STAT3: variants seen among roughly 807,000 people sequenced by gnomAD.
STAT3 encodes the protein signal transducer and activator of transcription 3.
Under a neutral mutation model 114.3 loss-of-function variants are expected in STAT3, and 7 were observed. The observed-to-expected ratio is 0.06, with a 90% confidence interval of 0.03 to 0.11. The LOEUF is 0.11. Among genes scored for constraint, STAT3 ranks in the 10% least tolerant of loss-of-function variants. STAT3 has a pLI of 1.00. For synonymous variants in STAT3, 331 were observed against 354.5 expected (o/e 0.93, Z 0.74); for missense variants, 364 against 960.9 (o/e 0.38, Z 8.21).
rs1382569836 is a variant in STAT3, at chr17:42,313,960, A to G, written c.*1785T>C. The G allele has an allele frequency of 1.3e-5, 3 of 231,502 alleles. No individual in the cohort carries two copies. The highest frequency in any genetic ancestry group is 5.7e-5 in the Admixed American group (1 of 17,692). The allele number at this position is 231,502 out of a possible 1,614,324, so 14.3% of individuals were successfully genotyped here. ...TGATTTAACAAACAGAATTCCACAGAAACTCTGATCAGCTGAGGCAAGGTG... is the reference window on the plus strand; with the variant it reads ...TGATTTAACAAACAGAATTCCACAGGAACTCTGATCAGCTGAGGCAAGGTG... On this transcript the variant is annotated 3_prime_UTR_variant, in exon 24 of 24. Transcript: ENST00000264657.
chr17:42,332,172 C>T (rs2144808285), intron 10 of STAT3, among the ~76,000 whole-genome samples: 1 of 151,644 alleles, frequency 6.6e-6, no homozygotes, highest in South Asian at 2.1e-4. Flanking sequence ...GGTGATCCAC[C>T]CACCTTGGCC....
At position 42,337,305 on chromosome 17, in the gene STAT3, C is replaced by A. The variant is rs558713188; in HGVS notation, c.797+130G>T. On this transcript the variant is annotated intron_variant, in intron 8 of 23. Coordinates refer to ENST00000264657, the MANE Select transcript of STAT3 (RefSeq NM_139276.3). This position sits in a 1 kb window ranked among gnomAD's most constrained non-coding sequence, Gnocchi z 4.0. Reference sequence around the variant, plus strand: ...CCGAAATAAAGTAAAAACTTTAATTCTTGGGCTAAATTTGAATATGGAAAA... The same window carrying A: ...CCGAAATAAAGTAAAAACTTTAATTATTGGGCTAAATTTGAATATGGAAAA... The A allele has an allele frequency of 2.9e-6, 4 of 1,375,952 alleles. No homozygotes were observed. Among genetic ancestry groups the A allele is most frequent in the Non-Finnish European group, 3.9e-6 (4 of 1,026,128 alleles). 85.2% of individuals were successfully genotyped at this position (1,375,952 alleles called of 1,614,324 possible).
chr17:42,383,181 AGAG>A lies in STAT3; in HGVS notation c.-24+5095_-24+5097del, dbSNP rs146649796. 8.9e-3 allele frequency among the ~76,000 whole-genome samples: 1,354 copies of A among 151,414 alleles called. 25 individuals are homozygous for A. The highest frequency in any genetic ancestry group is 0.031 in the African/African-American group (1,273 of 41,254). ...AAGCAATTCTCCTGGCTCAGCCTCC[AGAG>A]TAGCTGGAACTACAGGCGTGTGCCA... On this transcript the variant is annotated intron_variant, in intron 1 of 23. Transcript: ENST00000264657.
chr17:42,326,175 G>T lies in STAT3; in HGVS notation c.1306C>A (p.Leu436Met). ...CDASLIVTEE[L>M]HLITFETEVY... ...TCGGTCTCAAAGGTGATCAGGTGCAGCTCCTCAGTCACAATCAGGGAAGCC... is the reference window on the plus strand; with the variant it reads ...TCGGTCTCAAAGGTGATCAGGTGCATCTCCTCAGTCACAATCAGGGAAGCC... Residue 436 changes from leucine to methionine, a missense_variant, in exon 15 of 24, where the codon CTG becomes ATG. By Grantham distance (15) the Leu-to-Met change is conservative. Around this residue, in one of 5 missense-constraint regions of STAT3, gnomAD observed 294 missense variants for 745.1 expected, o/e 0.39. Coordinates refer to ENST00000264657, the MANE Select transcript of STAT3 (RefSeq NM_139276.3). 2 of 1,613,858 alleles carry T rather than the reference G, an allele frequency of 1.2e-6. No individual in the cohort carries two copies. Among genetic ancestry groups the T allele is most frequent in the Non-Finnish European group, 8.5e-7 (1 of 1,179,840 alleles).
chr17:42,344,063 G>C (rs1366659663), intron 4 of STAT3, among the ~76,000 whole-genome samples: 2 of 152,172 alleles, frequency 1.3e-5, no homozygotes, highest in African/African-American at 2.4e-5. Flanking sequence ...ACTGAGAATA[G>C]TGTTTCACCA....
Position 42,345,645 on chromosome 17 carries a change from C to T in STAT3, c.286G>A (p.Glu96Lys). 6.2e-7 allele frequency: 1 copy of T among 1,603,920 alleles called. No individual in the cohort carries two copies. The change falls in exon 4 of 24, where the codon GAG becomes AAG. Residue 96 changes from glutamate (E) to lysine (K), a missense_variant. Transcript: ENST00000264657. ...IKQFLQSRYL[E>K]KPMEIARIVA... ...ATCCGGGCAATCTCCATTGGCTTCTCAAGATACCTGCTCTATAAGTAGGAG... is the reference window on the plus strand; with the variant it reads ...ATCCGGGCAATCTCCATTGGCTTCTTAAGATACCTGCTCTATAAGTAGGAG...
intron 1 of STAT3, among the ~76,000 whole-genome samples, chr17:42,362,293 G>A (rs566355301): frequency 5.9e-5 from 9 of 152,178 alleles, no homozygotes; most frequent in Non-Finnish European, 1.0e-4. Flanking sequence ...CAGCTGAATG[G>A]TAAAACCTGC....
At chr17:42,319,706 A>T (rs1297087192) in intron 21 of STAT3, among the ~76,000 whole-genome samples, 1 of 149,150 alleles carries the variant, frequency 6.7e-6, no homozygotes, top group African/African-American at 2.6e-5. Flanking sequence ...GGAAGAGAGA[A>T]GAGTCTTGGG....
intron 3 of STAT3, 99 bp downstream of exon 3, chr17:42,346,470 G>A (rs957881988): frequency 7.8e-6 from 12 of 1,547,418 alleles, no homozygotes; most frequent in Admixed American, 6.8e-5. Flanking sequence ...ATAGATTCTC[G>A]TTACTTAGCC....
At chr17:42,326,821 A>G (rs1489005348) in intron 14 of STAT3, among the ~76,000 whole-genome samples, 1 of 152,150 alleles carries the variant, frequency 6.6e-6, no homozygotes, top group Non-Finnish European at 1.5e-5. Context: ...CTCTGTCTCA[A>G]TCAATCAGTC....
At chr17:42,339,069 C>T (rs973305539) in intron 5 of STAT3, among the ~76,000 whole-genome samples, 2 of 151,886 alleles carry the variant, frequency 1.3e-5, no homozygotes, top group Admixed American at 1.3e-4. Flanking sequence ...CTGGACAACA[C>T]AGGGAGACCC....
At chr17:42,368,775 C>T (rs774376293) in intron 1 of STAT3, among the ~76,000 whole-genome samples, 18 of 150,830 alleles carry the variant, frequency 1.2e-4, no homozygotes, top group Non-Finnish European at 2.5e-4. Context: ...TGGGGTTACA[C>T]GTGCAAGTTT....
In STAT3 at chr17:42,315,364, C is replaced by T. The variant is rs1056889573; in HGVS notation, c.*381G>A. 22 of 429,456 alleles carry T rather than the reference C, an allele frequency of 5.1e-5. No homozygotes were observed. The highest frequency in any genetic ancestry group is 1.7e-4 in the East Asian group (4 of 24,078). The allele number at this position is 429,456 out of a possible 1,614,324, so 26.6% of individuals were successfully genotyped here. ...CTTACAGAAACAGGCAGAAGGATGC[C>T]GCAGGCACCAGGAGGCACTTGTCTA... On this transcript the variant is annotated 3_prime_UTR_variant, in exon 24 of 24. Transcript: ENST00000264657.
intron 4 of STAT3, among the ~76,000 whole-genome samples, chr17:42,342,248 C>T (rs924191143): frequency 5.3e-5 from 8 of 151,950 alleles, no homozygotes; most frequent in African/African-American, 1.9e-4. Flanking sequence ...TTTGGGAGGC[C>T]GAGGTGGATG....
At chr17:42,368,254 CAG>C (rs771961386) in intron 1 of STAT3, among the ~76,000 whole-genome samples, 3 of 152,128 alleles carry the variant, frequency 2.0e-5, no homozygotes, top group African/African-American at 4.8e-5. Context: ...TAAACTGTTA[CAG>C]AATTGTTTTT....
At chr17:42,348,288 T>C (rs2082786157) in intron 2 of STAT3, 101 bp downstream of exon 2, 3 of 1,536,962 alleles carry the variant, frequency 2.0e-6, no homozygotes, top group Non-Finnish European at 2.7e-6. Context: ...CCTGTACCCA[T>C]ACATTTTTTA....
chr17:42,369,058 G>C (rs2145232235), intron 1 of STAT3, among the ~76,000 whole-genome samples: 1 of 152,204 alleles, frequency 6.6e-6, no homozygotes, highest in East Asian at 1.9e-4. Context: ...CTCCATCCAT[G>C]TTCCTGCAAA....
At chr17:42,383,369 T>C (rs1598540918) in intron 1 of STAT3, among the ~76,000 whole-genome samples, 1 of 151,020 alleles carries the variant, frequency 6.6e-6, no homozygotes, top group African/African-American at 2.4e-5. Context: ...TTTTTGCCTT[T>C]TTTTTTTTTT....
chr17:42,328,764 A>T (rs2081856919), intron 14 of STAT3, among the ~76,000 whole-genome samples: 1 of 152,222 alleles, frequency 6.6e-6, no homozygotes, highest in Non-Finnish European at 1.5e-5. Context: ...AGAACGGGGC[A>T]TCACAATTTT....
Sources: allele counts gnomAD v4.1 joint callset (sites outside exome capture counted in the v4.1 genomes callset), GRCh38; gene constraint gnomAD v4.1.1; regional missense constraint gnomAD v4.1.1; non-coding constraint Gnocchi (gnomAD v3.1); transcripts MANE v1.5; gene names NCBI Gene and HGNC (gene_info 2026-07-23, HGNC 2026-07-21).